Variants in CDKN3 observed in about 807,000 individuals in gnomAD.
CDKN3 encodes cyclin-dependent kinase inhibitor 3.
A neutral mutation model predicts 36.1 loss-of-function variants in CDKN3; 19 were observed. The ratio of observed to expected loss-of-function variants is 0.53; its 90% CI spans 0.37 to 0.77. CDKN3 has a LOEUF of 0.77. CDKN3 is among the 30% of genes least tolerant of loss of function. The probability of loss-of-function intolerance (pLI) is 0.00; values close to 1 mark genes in which losing one functional copy is unlikely to be tolerated. For synonymous variants in CDKN3, 71 were observed against 85.3 expected (o/e 0.83, Z 0.92); for missense variants, 188 against 248.6 (o/e 0.76, Z 1.64).
At chr14:54,401,487 A>C (rs2029937852) in intron 2 of CDKN3, 37 bp from the exon 3 acceptor site, 1 of 1,470,178 alleles carries the variant, frequency 6.8e-7, no homozygotes, top group African/African-American at 1.4e-5. Context: ...ACTTTTTAAA[A>C]ACTTAACTAA....
chr14:54,403,055 A>T (rs979651772), intron 3 of CDKN3, among the ~76,000 whole-genome samples: 1 of 152,146 alleles, frequency 6.6e-6, no homozygotes, highest in African/African-American at 2.4e-5. Flanking sequence ...TTCCATATGA[A>T]ATTTAAAGTA....
chr14:54,420,051 T>C lies in CDKN3; in HGVS notation c.612T>C (p.Asp204=), dbSNP rs1260716700. The change falls in exon 8 of 8, where the codon GAT becomes GAC. Residue 204 remains aspartate (D), a synonymous_variant. Coordinates refer to ENST00000335183, the MANE Select transcript of CDKN3 (RefSeq NM_005192.4). ...DKLAAHLSSR[D]SQSRSVSR ...TAGCTGCACATCTATCATCAAGAGATTCACAATCAAGATCTGTATCAAGAT... is the reference window on the plus strand; with the variant it reads ...TAGCTGCACATCTATCATCAAGAGACTCACAATCAAGATCTGTATCAAGAT... The C allele has an allele frequency of 3.7e-6, 6 of 1,604,202 alleles. No homozygotes were observed. In the African/African-American group the frequency reaches 6.7e-5, roughly 18 times the overall value.
intron 3 of CDKN3, among the ~76,000 whole-genome samples, chr14:54,406,254 T>C (rs529230768): frequency 6.6e-6 from 1 of 152,360 alleles, no homozygotes; most frequent in East Asian, 1.9e-4. Context: ...AGCCTTTCTC[T>C]CTGGCTGCTC....
intron 5 of CDKN3, among the ~76,000 whole-genome samples, chr14:54,412,585 A>G (rs2030396709): frequency 6.6e-6 from 1 of 152,164 alleles, no homozygotes; most frequent in South Asian, 2.1e-4. Context: ...ACAAAAGAAG[A>G]TGGGTTAAGG....
intron 1 of CDKN3, among the ~76,000 whole-genome samples, 184 bp downstream of exon 1, chr14:54,397,261 G>C (rs955451522): frequency 6.6e-5 from 10 of 152,288 alleles, no homozygotes; most frequent in Non-Finnish European, 1.0e-4. Flanking sequence ...CGAAGGAGCA[G>C]GGTCGGTGGC....
intron 3 of CDKN3, among the ~76,000 whole-genome samples, chr14:54,406,700 T>C (rs1406923907): frequency 6.6e-6 from 1 of 151,436 alleles, no homozygotes; most frequent in East Asian, 1.9e-4. Flanking sequence ...AGGTCATTTA[T>C]GTTCTTCTCT....
chr14:54,411,779 A>G (rs1355574516), intron 5 of CDKN3, 73 bp downstream of exon 5: 3 of 958,110 alleles, frequency 3.1e-6, no homozygotes, highest in Non-Finnish European at 5.0e-6. Flanking sequence ...TGGTAGCCCT[A>G]TTCAGTTATC....
chr14:54,415,949 T>A lies in CDKN3; in HGVS notation c.448+19T>A. The stretch of plus-strand genomic sequence containing the variant: ...TGTCTTGGTAAGAAATATATTTCTA[T>A]TATTTTTTTAACCGCCAAATAGACA... On this transcript the variant is annotated intron_variant, in intron 6 of 7. Transcript: ENST00000335183. The A allele has an allele frequency of 6.4e-7, 1 of 1,559,370 alleles. No individual in the cohort carries two copies. Among genetic ancestry groups the A allele is most frequent in the East Asian group, 2.2e-5 (1 of 44,602 alleles).
intron 6 of CDKN3, among the ~76,000 whole-genome samples, chr14:54,416,693 T>C (rs2030564383): frequency 6.6e-6 from 1 of 152,112 alleles, no homozygotes; most frequent in African/African-American, 2.4e-5. Flanking sequence ...TGCATGCCTG[T>C]AGTCCCAGCT....
intron 3 of CDKN3, among the ~76,000 whole-genome samples, chr14:54,407,546 A>G (rs2030203661): frequency 6.6e-6 from 1 of 152,168 alleles, no homozygotes; most frequent in Non-Finnish European, 1.5e-5. Flanking sequence ...CCCTGCCCAG[A>G]GTGGAGGAAT....
At chr14:54,409,367 G>T (rs926211729) in intron 4 of CDKN3, among the ~76,000 whole-genome samples, 2 of 152,134 alleles carry the variant, frequency 1.3e-5, no homozygotes, top group East Asian at 1.9e-4. Context: ...ATTTTCAAAA[G>T]ATTTTATTCT....
chr14:54,408,851 C>A, intron 4 of CDKN3, 62 bp downstream of exon 4: 2 of 1,478,286 alleles, frequency 1.4e-6, no homozygotes, highest in Admixed American at 2.8e-5. Flanking sequence ...TTGAAAAACT[C>A]TCTGTCAAAA....
chr14:54,399,469 A>C (rs113079912), intron 1 of CDKN3, among the ~76,000 whole-genome samples: 99 of 152,322 alleles, frequency 6.5e-4, no homozygotes, highest in African/African-American at 2.3e-3. Context: ...CTGTCTCTCC[A>C]GCCATACTGA....
chr14:54,403,180 G>T, intron 3 of CDKN3, among the ~76,000 whole-genome samples: 1 of 152,176 alleles, frequency 6.6e-6, no homozygotes, highest in African/African-American at 2.4e-5. Context: ...TCCTATCCAT[G>T]AGCATGGAAT....
chr14:54,413,640 T>C, intron 5 of CDKN3: 1 of 1,535,432 alleles, frequency 6.5e-7, no homozygotes, highest in Non-Finnish European at 8.7e-7. Context: ...ACTAGTTTAT[T>C]TTCTATCCAT....
chr14:54,417,466 C>A (rs779883348), intron 6 of CDKN3, among the ~76,000 whole-genome samples: 1 of 152,170 alleles, frequency 6.6e-6, no homozygotes, highest in East Asian at 1.9e-4. Context: ...AGACAAAGTA[C>A]ACTAGTGGTT....
intron 5 of CDKN3, 141 bp from the exon 6 acceptor site, chr14:54,415,758 C>A (rs2030515857): frequency 2.8e-6 from 2 of 707,858 alleles, no homozygotes; most frequent in Middle Eastern, 2.3e-4. Flanking sequence ...TTGATTAAAT[C>A]AAAAATATTT....
intron 1 of CDKN3, among the ~76,000 whole-genome samples, chr14:54,398,011 G>A (rs1347871295): frequency 6.6e-6 from 1 of 152,150 alleles, no homozygotes; most frequent in Non-Finnish European, 1.5e-5. Flanking sequence ...CACGCCTGTA[G>A]TCCCAGCTAC....
chr14:54,410,944 G>A lies in CDKN3; in HGVS notation c.194-540G>A, dbSNP rs147357202. On this transcript the variant is annotated intron_variant, in intron 4 of 7. Transcript: ENST00000335183. ...CTGTAATCCCAGCACTTTGGGAGGC[G>A]GAGGCGGGCAGATCAACTGAGGTCG... Among the ~76,000 whole-genome samples, 447 of 151,956 alleles carry A rather than the reference G, an allele frequency of 2.9e-3. 5 individuals carry two copies. The highest frequency in any genetic ancestry group is 0.01 in the African/African-American group (427 of 41,470).
Sources: allele counts gnomAD v4.1 joint callset (sites outside exome capture counted in the v4.1 genomes callset), GRCh38; gene constraint gnomAD v4.1.1; transcripts MANE v1.5; gene names NCBI Gene and HGNC (gene_info 2026-07-23, HGNC 2026-07-21).